The following PTPRM variants were observed in gnomAD, a reference collection of about 807,000 sequenced individuals.
PTPRM encodes the protein protein tyrosine phosphatase receptor type M.
A neutral mutation model predicts 186.7 loss-of-function variants in PTPRM; 47 were observed. The observed-to-expected ratio is 0.25, with a 90% CI of 0.20 to 0.32. The LOEUF is 0.32. Among genes scored for constraint, PTPRM ranks in the 10% least tolerant of loss-of-function variants. PTPRM has a pLI of 1.00. For synonymous variants in PTPRM, 668 were observed against 674.9 expected (o/e 0.99, Z 0.16); for missense variants, 1,494 against 1,865.0 (o/e 0.80, Z 3.66).
chr18:8,397,502 T>C lies in PTPRM; in HGVS notation c.4344+2891T>C, dbSNP rs558440078. Among the ~76,000 whole-genome samples the C allele has an allele frequency of 2.0e-5, 3 of 152,352 alleles. No homozygotes were observed. The South Asian group carries it at 6.2e-4, about 32-fold the overall frequency. On this transcript the variant is annotated intron_variant, in intron 32 of 32. Transcript: ENST00000580170. ...AGTGGATTGCCAGGAGGCAAAATAG[T>C]TTCTAATACAAGACTAGATTTTTTT...
chr18:7,629,785 ACC>A (rs1432087385), intron 1 of PTPRM, among the ~76,000 whole-genome samples: 1 of 152,036 alleles, frequency 6.6e-6, no homozygotes, highest in African/African-American at 2.4e-5. Flanking sequence ...GAATGTGCAG[ACC>A]CACACACTCA....
intron 1 of PTPRM, 95 bp from the exon 2 acceptor site, chr18:7,774,054 A>G (rs1220785626): frequency 3.8e-6 from 5 of 1,299,214 alleles, no homozygotes; most frequent in Non-Finnish European, 5.4e-6. Context: ...TTGGCATCAA[A>G]CTTGGCATCA....
chr18:8,024,889 G>A (rs998797299), intron 7 of PTPRM, among the ~76,000 whole-genome samples: 1 of 151,806 alleles, frequency 6.6e-6, no homozygotes, highest in African/African-American at 2.4e-5. Context: ...TCACCATGTT[G>A]CCCAGGCTTG....
At chr18:7,742,656 T>C (rs1598477484) in intron 1 of PTPRM, among the ~76,000 whole-genome samples, 1 of 152,256 alleles carries the variant, frequency 6.6e-6, no homozygotes, top group East Asian at 1.9e-4. Flanking sequence ...TTGGACAACA[T>C]GGAAGAGACC....
chr18:7,912,957 A>G lies in PTPRM; in HGVS notation c.547+6374A>G, dbSNP rs112215514. On this transcript the variant is annotated intron_variant, in intron 4 of 32. Coordinates refer to ENST00000580170, the MANE Select transcript of PTPRM (RefSeq NM_001105244.2). Reference sequence around the variant, plus strand: ...GGGTTATTGCTATCTTAACATTATCAGGCTTTGTGATCTGTGAATGTGGGA... The same window carrying G: ...GGGTTATTGCTATCTTAACATTATCGGGCTTTGTGATCTGTGAATGTGGGA... 7.0e-3 allele frequency among the ~76,000 whole-genome samples: 1,070 copies of G among 152,272 alleles called. 15 individuals carry two copies. The highest frequency in any genetic ancestry group is 0.025 in the African/African-American group (1,028 of 41,536).
At chr18:8,071,417 T>C (rs1339035042) in intron 8 of PTPRM, among the ~76,000 whole-genome samples, 1 of 152,188 alleles carries the variant, frequency 6.6e-6, no homozygotes, top group Non-Finnish European at 1.5e-5. Flanking sequence ...GTTTCTACCT[T>C]TTCTTTGTGG....
chr18:7,623,202 T>G (rs1304707029), intron 1 of PTPRM, among the ~76,000 whole-genome samples: 1 of 152,230 alleles, frequency 6.6e-6, no homozygotes, highest in Non-Finnish European at 1.5e-5. Flanking sequence ...ACGATTTTGC[T>G]TTTAGTGTAA....
At chr18:8,045,700 G>C (rs1276096918) in intron 7 of PTPRM, among the ~76,000 whole-genome samples, 1 of 152,150 alleles carries the variant, frequency 6.6e-6, no homozygotes, top group African/African-American at 2.4e-5. Flanking sequence ...GACTGCTAAT[G>C]GATGTGGAAT....
At chr18:7,786,517 A>G (rs1409415403) in intron 2 of PTPRM, among the ~76,000 whole-genome samples, 5 of 152,228 alleles carry the variant, frequency 3.3e-5, no homozygotes, top group Admixed American at 1.3e-4. Context: ...AAAAATTGAA[A>G]TCCTTGGCAT....
intron 14 of PTPRM, among the ~76,000 whole-genome samples, chr18:8,214,419 G>A (rs576497230): frequency 1.0e-3 from 153 of 152,242 alleles, no homozygotes; most frequent in Non-Finnish European, 1.4e-3. Context: ...TTGAGCAATG[G>A]TGTTTCCAAT....
At chr18:7,834,803 G>T (rs529814332) in intron 2 of PTPRM, among the ~76,000 whole-genome samples, 86 of 151,896 alleles carry the variant, frequency 5.7e-4, no homozygotes, top group African/African-American at 1.9e-3. Flanking sequence ...TTATTGGTCT[G>T]TTCAAGTTTT....
rs542121233 is a variant in PTPRM at position 8,324,740 on chromosome 18, T to C, written c.2956+5526T>C. Among the ~76,000 whole-genome samples the C allele has an allele frequency of 3.9e-5, 6 of 152,300 alleles. No homozygotes were observed. The East Asian group carries it at 9.6e-4, about 24-fold the overall frequency. On this transcript the variant is annotated intron_variant, in intron 22 of 32. Coordinates refer to ENST00000580170, the MANE Select transcript of PTPRM (RefSeq NM_001105244.2). ...GATATATGGGATTGTCCCCAATTTA[T>C]AAATGAGAGGAAAGGAGACAAAGAA...
chr18:8,073,879 C>T (rs1403421101), intron 8 of PTPRM, among the ~76,000 whole-genome samples: 2 of 152,098 alleles, frequency 1.3e-5, no homozygotes, highest in African/African-American at 2.4e-5. Context: ...CACTCCAGCC[C>T]GGATGACAGA....
intron 1 of PTPRM, among the ~76,000 whole-genome samples, chr18:7,699,221 G>T (rs767439144): frequency 6.6e-6 from 1 of 152,090 alleles, no homozygotes; most frequent in Admixed American, 6.6e-5. Flanking sequence ...TGTCTTCCAC[G>T]AAACCAGTCC....
intron 2 of PTPRM, among the ~76,000 whole-genome samples, chr18:7,877,714 C>G (rs951960899): frequency 6.6e-6 from 1 of 152,212 alleles, no homozygotes; most frequent in Non-Finnish European, 1.5e-5. Flanking sequence ...CAGAGCTTAG[C>G]TTTTCCTACC....
intron 8 of PTPRM, among the ~76,000 whole-genome samples, chr18:8,070,307 A>G (rs1039124818): frequency 3.3e-5 from 5 of 152,178 alleles, no homozygotes; most frequent in Admixed American, 1.3e-4. Flanking sequence ...GATTATTTAT[A>G]TAAAATCATT....
At chr18:8,306,241 A>T (rs1326686102) in intron 20 of PTPRM, among the ~76,000 whole-genome samples, 1 of 152,102 alleles carries the variant, frequency 6.6e-6, no homozygotes, top group African/African-American at 2.4e-5. Flanking sequence ...TGTTCCAGGC[A>T]CCTGATAATA....
intron 15 of PTPRM, among the ~76,000 whole-genome samples, chr18:8,244,915 C>T (rs541718348): frequency 2.6e-5 from 4 of 152,198 alleles, no homozygotes; most frequent in African/African-American, 9.6e-5. Flanking sequence ...AGTTCAAGGT[C>T]GGGGGTTTCT....
intron 7 of PTPRM, among the ~76,000 whole-genome samples, chr18:8,022,052 G>A (rs562168070): frequency 1.2e-3 from 178 of 152,242 alleles, no homozygotes; most frequent in African/African-American, 4.0e-3. Context: ...AATGAAAAAA[G>A]GAAAATAAGA....
Sources: allele counts gnomAD v4.1 joint callset (sites outside exome capture counted in the v4.1 genomes callset), GRCh38; gene constraint gnomAD v4.1.1; transcripts MANE v1.5; gene names NCBI Gene and HGNC (gene_info 2026-07-23, HGNC 2026-07-21).